The following CRPPA variants were observed in gnomAD, a reference collection of about 807,000 sequenced individuals.
CRPPA encodes the protein D-ribitol-5-phosphate cytidylyltransferase.
Under a neutral mutation model 52.0 loss-of-function variants are expected in CRPPA, and 43 were observed. The ratio of observed to expected loss-of-function variants is 0.83; its 90% CI spans 0.65 to 1.07. The LOEUF is 1.07. Among genes scored for constraint, CRPPA ranks in the 50% least tolerant of loss-of-function variants. CRPPA has a pLI of 0.00. For missense variants in CRPPA, 629 were observed against 551.7 expected (o/e 1.14, Z -1.40); for synonymous variants, 250 against 203.5 (o/e 1.23, Z -1.94).
intron 2 of CRPPA, among the ~76,000 whole-genome samples, chr7:16,386,800 C>A (rs1257212453): frequency 1.3e-5 from 2 of 151,814 alleles, no homozygotes; most frequent in African/African-American, 4.8e-5. Context: ...GCAGGCAAAT[C>A]ACTTGAGATA....
chr7:16,163,794 T>A (rs748154806), intron 9 of CRPPA, among the ~76,000 whole-genome samples: 6 of 152,212 alleles, frequency 3.9e-5, no homozygotes, highest in African/African-American at 7.2e-5. Flanking sequence ...TGGCTGCTTA[T>A]GAAATTCTGG....
chr7:16,258,840 T>A, intron 7 of CRPPA, 80 bp downstream of exon 7: 2 of 811,754 alleles, frequency 2.5e-6, no homozygotes, highest in South Asian at 4.0e-5. Flanking sequence ...ATATCATATA[T>A]AAATATTTAA....
At chr7:16,412,659 G>C (rs2128319525) in intron 1 of CRPPA, among the ~76,000 whole-genome samples, 1 of 152,234 alleles carries the variant, frequency 6.6e-6, no homozygotes, top group Non-Finnish European at 1.5e-5. Context: ...GACTTAAAAA[G>C]ACCTTAAGTA....
chr7:16,124,073 T>C (rs1230557231), intron 9 of CRPPA, among the ~76,000 whole-genome samples: 2 of 151,864 alleles, frequency 1.3e-5, no homozygotes, highest in East Asian at 3.9e-4. Flanking sequence ...TAACCAGTAG[T>C]TGGATTGCTG....
chr7:16,326,743 T>C (rs1785401265), intron 3 of CRPPA, among the ~76,000 whole-genome samples: 1 of 152,196 alleles, frequency 6.6e-6, no homozygotes, highest in African/African-American at 2.4e-5. Context: ...CTATAATCCT[T>C]GTGAAAGATC....
chr7:16,404,136 A>G (rs1271841433), intron 2 of CRPPA, among the ~76,000 whole-genome samples: 2 of 152,182 alleles, frequency 1.3e-5, no homozygotes, highest in Non-Finnish European at 2.9e-5. Context: ...TCATGATTTT[A>G]CCCTTTATGT....
chr7:16,328,174 G>C (rs1393677942), intron 3 of CRPPA, among the ~76,000 whole-genome samples: 2 of 152,018 alleles, frequency 1.3e-5, no homozygotes, highest in Non-Finnish European at 2.9e-5. Context: ...GGATACTTAA[G>C]TCTTTTTATT....
chr7:16,251,717 T>A (rs553897582), intron 8 of CRPPA, among the ~76,000 whole-genome samples: 3 of 152,004 alleles, frequency 2.0e-5, no homozygotes, highest in African/African-American at 7.2e-5. Flanking sequence ...CTCTGGGACA[T>A]ATTTAAAGCA....
At chr7:16,405,659 T>C (rs1423127084) in intron 2 of CRPPA, among the ~76,000 whole-genome samples, 1 of 152,192 alleles carries the variant, frequency 6.6e-6, no homozygotes, top group African/African-American at 2.4e-5. Context: ...GAAAATCTTA[T>C]ATAGTATATA....
intron 9 of CRPPA, among the ~76,000 whole-genome samples, chr7:16,116,958 C>G (rs1782387841): frequency 6.6e-6 from 1 of 152,156 alleles, no homozygotes; most frequent in African/African-American, 2.4e-5. Context: ...ACTCTAGAGA[C>G]CATGTTTTCC....
At chr7:16,335,572 T>C (rs2128431506) in intron 3 of CRPPA, among the ~76,000 whole-genome samples, 1 of 152,192 alleles carries the variant, frequency 6.6e-6, no homozygotes, top group South Asian at 2.1e-4. Flanking sequence ...AGAGGACATC[T>C]GAAGTTGAGC....
chr7:16,383,690 T>C (rs956409506), intron 2 of CRPPA, among the ~76,000 whole-genome samples: 5 of 152,242 alleles, frequency 3.3e-5, no homozygotes, highest in African/African-American at 9.6e-5. Context: ...TAAGCAAGCC[T>C]GGGCAATGGC....
chr7:16,155,408 G>C (rs1432094021), intron 9 of CRPPA, among the ~76,000 whole-genome samples: 1 of 152,154 alleles, frequency 6.6e-6, no homozygotes, highest in African/African-American at 2.4e-5. Context: ...AGTCTATGCA[G>C]GTCCACTTAC....
chr7:16,203,573 A>C lies in CRPPA; in HGVS notation c.1251+12493T>G, dbSNP rs534178287. Among the ~76,000 whole-genome samples, 261 of 152,270 alleles carry C rather than the reference A, an allele frequency of 1.7e-3. 1 individual carries two copies. The highest frequency in any genetic ancestry group is 3.1e-3 in the Non-Finnish European group (214 of 68,022). On this transcript the variant is annotated intron_variant, in intron 9 of 9. Transcript: ENST00000407010. The stretch of plus-strand genomic sequence containing the variant: ...AGTACATGCTTGATATTACTTAGAA[A>C]ACCTCCCGAGAATAAAGAACCAAAT...
intron 8 of CRPPA, among the ~76,000 whole-genome samples, chr7:16,254,784 A>AGAAG (rs1554299363): frequency 5.8e-5 from 7 of 120,080 alleles, no homozygotes; most frequent in African/African-American, 2.3e-4. Context: ...AAAGAAAGAA[A>AGAAG]GAAAGAAGGA....
Position 16,421,523 on chromosome 7 carries a change from C to T in CRPPA, c.-201G>A, listed in dbSNP as rs952021958. ...ACGATCCCGACAGCTACGGCAGCAG[C>T]TGAGGCTGCCGATCTGCCCTCGCGG... On this transcript the variant is annotated 5_prime_UTR_variant, in exon 1 of 10. Coordinates refer to ENST00000407010, the MANE Select transcript of CRPPA (RefSeq NM_001101426.4). Among the ~76,000 whole-genome samples the T allele has an allele frequency of 1.3e-5, 2 of 152,192 alleles. No individual in the cohort carries two copies. The highest frequency in any genetic ancestry group is 2.9e-5 in the Non-Finnish European group (2 of 68,024).
intron 8 of CRPPA, among the ~76,000 whole-genome samples, chr7:16,229,305 A>C (rs1782731062): frequency 1.3e-5 from 2 of 151,914 alleles, no homozygotes; most frequent in Admixed American, 1.3e-4. Context: ...CAGACTTACA[A>C]CTGCCATTTT....
At chr7:16,378,092 T>C (rs1786947375) in intron 2 of CRPPA, among the ~76,000 whole-genome samples, 1 of 144,134 alleles carries the variant, frequency 6.9e-6, no homozygotes, top group South Asian at 2.1e-4. Context: ...TGATTTTTCC[T>C]TTTTTTTTAA....
At chr7:16,399,098 G>A (rs1267676465) in intron 2 of CRPPA, among the ~76,000 whole-genome samples, 3 of 151,970 alleles carry the variant, frequency 2.0e-5, no homozygotes, top group African/African-American at 4.8e-5. Context: ...CATGATAGAC[G>A]TGATCGTCAT....
Sources: allele counts gnomAD v4.1 joint callset (sites outside exome capture counted in the v4.1 genomes callset), GRCh38; gene constraint gnomAD v4.1.1; transcripts MANE v1.5; gene names NCBI Gene and HGNC (gene_info 2026-07-23, HGNC 2026-07-21).